The following PDE9A variants were observed in gnomAD, a reference collection of about 807,000 sequenced individuals.
PDE9A encodes phosphodiesterase 9A.
A neutral mutation model predicts 87.4 loss-of-function variants in PDE9A; 60 were observed. The ratio of observed to expected loss-of-function variants is 0.69; its 90% CI spans 0.56 to 0.85. PDE9A has a LOEUF of 0.85. Ranked by LOEUF, PDE9A falls within the 40% of genes least tolerant of loss-of-function variation. The probability of loss-of-function intolerance (pLI) is 0.00; values close to 1 mark genes in which losing one functional copy is unlikely to be tolerated. For missense variants in PDE9A, 665 were observed against 779.0 expected (o/e 0.85, Z 1.74); for synonymous variants, 272 against 279.4 (o/e 0.97, Z 0.27).
At position 42,769,106 on chromosome 21, in the gene PDE9A, T is replaced by C. The variant is rs200824316; in HGVS notation, c.1541T>C (p.Ile514Thr). 37 of 1,613,862 alleles carry C rather than the reference T, an allele frequency of 2.3e-5. No individual in the cohort carries two copies. The Middle Eastern group carries it at 4.9e-4, about 22-fold the overall frequency. Residue 514 changes from isoleucine (I) to threonine (T), a missense_variant, in exon 17 of 20, where the codon ATT becomes ACT. Coordinates refer to ENST00000291539, the MANE Select transcript of PDE9A (RefSeq NM_002606.3). ...RDKVTKATAQ[I>T]GFIKFVLIPM... ...AAAGTGACCAAGGCCACAGCCCAGA[T>C]TGGGTTCATCAAGTTTGTCCTGATC...
intron 10 of PDE9A, among the ~76,000 whole-genome samples, chr21:42,754,701 A>T (rs2054833836): frequency 6.6e-6 from 1 of 152,032 alleles, no homozygotes. Context: ...TCATGGGGGC[A>T]GTTTTCCCCA....
intron 16 of PDE9A, chr21:42,768,741 G>A: frequency 1.0e-6 from 1 of 985,412 alleles, no homozygotes; most frequent in African/African-American, 1.7e-5. Flanking sequence ...TGAACCCTAG[G>A]AGAAGTCGGG....
At chr21:42,765,024 T>TGGATGGGTGGATGGAC in intron 14 of PDE9A, among the ~76,000 whole-genome samples, 1 of 146,370 alleles carries the variant, frequency 6.8e-6, no homozygotes, top group Non-Finnish European at 1.5e-5. Context: ...GATGGATGGG[T>TGGATGGGTGGATGGAC]GGATGGGTGG....
intron 1 of PDE9A, among the ~76,000 whole-genome samples, chr21:42,658,174 C>T (rs1418816551): frequency 6.6e-6 from 1 of 152,182 alleles, no homozygotes; most frequent in Non-Finnish European, 1.5e-5. Flanking sequence ...GATGCTTCCA[C>T]CCAGCCTGGT....
chr21:42,688,808 G>T (rs1169693770), intron 3 of PDE9A, among the ~76,000 whole-genome samples: 1 of 152,244 alleles, frequency 6.6e-6, no homozygotes, highest in Non-Finnish European at 1.5e-5. Context: ...TCATCAGGGT[G>T]TCCTGCCCAA....
intron 15 of PDE9A, 61 bp from the exon 16 acceptor site, chr21:42,768,124 GAGC>G (rs1250483775): frequency 3.9e-5 from 37 of 952,770 alleles, no homozygotes; most frequent in Non-Finnish European, 4.9e-5. Context: ...GTCCAGACCC[GAGC>G]AGCAGCAGCA....
intron 1 of PDE9A, among the ~76,000 whole-genome samples, chr21:42,680,029 C>G (rs2146088536): frequency 6.6e-6 from 1 of 152,326 alleles, no homozygotes; most frequent in South Asian, 2.1e-4. Flanking sequence ...AGAAAAATCC[C>G]CAGGACCTGG....
At chr21:42,740,086 T>C (rs1276808280) in intron 7 of PDE9A, among the ~76,000 whole-genome samples, 2 of 152,122 alleles carry the variant, frequency 1.3e-5, no homozygotes, top group African/African-American at 4.8e-5. Context: ...AGAAGCTAGA[T>C]AGATACATAC....
Position 42,731,938 on chromosome 21 carries a change from G to A in PDE9A, c.431G>A (p.Arg144His), listed in dbSNP as rs139833833. ...EPQGCYQEGQ[R>H]IPPEREELIQ... ...CAGGGCTGCTACCAGGAAGGCCAGC[G>A]CATCCCTCCAGGTAACGGGCAGCTC... is the stretch of plus-strand genomic sequence containing the variant. The change falls in exon 5 of 20, where the codon CGC becomes CAC. Residue 144 changes from arginine (R) to histidine (H), a missense_variant. Coordinates refer to ENST00000291539, the MANE Select transcript of PDE9A (RefSeq NM_002606.3). 5.1e-5 allele frequency: 82 copies of A among 1,613,488 alleles called. No individual in the cohort carries two copies. Among genetic ancestry groups the A allele is most frequent in the African/African-American group, 3.7e-4 (28 of 74,930 alleles).
Position 42,670,041 on chromosome 21 carries a change from TCA to T in PDE9A, c.70-16139_70-16138del, listed in dbSNP as rs199698684. On this transcript the variant is annotated intron_variant, in intron 1 of 19. Coordinates refer to ENST00000291539, the MANE Select transcript of PDE9A (RefSeq NM_002606.3). ...AAAAGGAAAGCACCATGTTTCACCT[TCA>T]CACACACACACTTACACATTCACAC... Among the ~76,000 whole-genome samples the T allele has an allele frequency of 4.9e-3, 743 of 152,006 alleles. 6 individuals are homozygous for T. The highest frequency in any genetic ancestry group is 0.014 in the African/African-American group (591 of 41,454).
In PDE9A at chr21:42,692,154, G is replaced by A. The variant is rs547084240; in HGVS notation, c.218+4160G>A. On this transcript the variant is annotated intron_variant, in intron 3 of 19. Transcript: ENST00000291539. This position sits in a 1 kb window ranked among gnomAD's most constrained non-coding sequence, Gnocchi z 4.3. ...TCTGCTGGATTTCCAGCCCCTAAAC[G>A]AGGCGGGGCATGCTGGGTGCAGGAT... is the stretch of plus-strand genomic sequence containing the variant. Among the ~76,000 whole-genome samples, 4 of 152,350 alleles carry A rather than the reference G, an allele frequency of 2.6e-5. No homozygotes were observed. Among genetic ancestry groups the A allele is most frequent in the African/African-American group, 7.2e-5 (3 of 41,588 alleles).
chr21:42,687,095 T>C (rs1044014225), intron 2 of PDE9A, among the ~76,000 whole-genome samples: 5 of 152,222 alleles, frequency 3.3e-5, no homozygotes, highest in African/African-American at 1.2e-4. Flanking sequence ...AATTTTCTAA[T>C]TATCAGCAAA....
Position 42,685,901 on chromosome 21 carries a change from TC to T in PDE9A, c.70-289del, listed in dbSNP as rs113058388. Reference sequence around the variant, plus strand: ...AGGTGGTCAGTCCTGCCTGGCCCCTTCCGAGGGATGCGCCTTCACCATAACC... The same window carrying T: ...AGGTGGTCAGTCCTGCCTGGCCCCTTCGAGGGATGCGCCTTCACCATAACC... On this transcript the variant is annotated intron_variant, in intron 1 of 19. Coordinates refer to ENST00000291539, the MANE Select transcript of PDE9A (RefSeq NM_002606.3). Among the ~76,000 whole-genome samples, 1,015 of 152,298 alleles carry T rather than the reference TC, an allele frequency of 6.7e-3. 9 individuals carry two copies. Among genetic ancestry groups the T allele is most frequent in the African/African-American group, 0.023 (942 of 41,556 alleles).
intron 1 of PDE9A, among the ~76,000 whole-genome samples, chr21:42,670,392 T>TTA (rs529160169): frequency 2.4e-4 from 23 of 94,868 alleles, no homozygotes; most frequent in African/African-American, 2.0e-3. Flanking sequence ...ACATTTACAT[T>TTA]CACAAACATT....
rs1354819504 is a variant in PDE9A, at chr21:42,770,731, T to G, written c.1619T>G (p.Leu540Arg). Residue 540 changes from leucine (L) to arginine (R), a missense_variant, in exon 18 of 20, where the codon CTG becomes CGG. By Grantham distance (102) the Leu-to-Arg change is moderately radical. Coordinates refer to ENST00000291539, the MANE Select transcript of PDE9A (RefSeq NM_002606.3). The part of the protein sequence containing the change: ...KLFPMVEEIM[L>R]QPLWESRDRY... Reference sequence around the variant, plus strand: ...TTCCCCATGGTTGAGGAGATCATGCTGCAGCCACTTTGGGAATCCCGAGAT... The same window carrying G: ...TTCCCCATGGTTGAGGAGATCATGCGGCAGCCACTTTGGGAATCCCGAGAT... 8.7e-6 allele frequency: 14 copies of G among 1,613,980 alleles called. No individual in the cohort carries two copies. Among genetic ancestry groups the G allele is most frequent in the Non-Finnish European group, 1.2e-5 (14 of 1,179,906 alleles).
chr21:42,719,070 T>G (rs898848237), intron 4 of PDE9A, among the ~76,000 whole-genome samples: 2 of 151,736 alleles, frequency 1.3e-5, no homozygotes, highest in African/African-American at 4.8e-5. Flanking sequence ...ACATTTAAAC[T>G]CCAAACTTTG....
In PDE9A at chr21:42,722,050, A is replaced by G. The variant is rs1602267020; in HGVS notation, c.263-9720A>G. Among the ~76,000 whole-genome samples the G allele has an allele frequency of 6.6e-6, 1 of 151,412 alleles. No homozygotes were observed. The highest frequency in any genetic ancestry group is 1.5e-5 in the Non-Finnish European group (1 of 67,900). ...GAGTGCAGTGGCACAATCTCAGCTC[A>G]CTGCAACCTCCGACTCCCTGGTTCA... On this transcript the variant is annotated intron_variant, in intron 4 of 19. Coordinates refer to ENST00000291539, the MANE Select transcript of PDE9A (RefSeq NM_002606.3). The surrounding 1 kb of genome is among the most constrained non-coding windows in gnomAD (Gnocchi z 4.1).
At position 42,759,794 on chromosome 21, in the gene PDE9A, TGA is replaced by T. The variant is rs1312954950; in HGVS notation, c.898-532_898-531del. On this transcript the variant is annotated intron_variant, in intron 11 of 19. Coordinates refer to ENST00000291539, the MANE Select transcript of PDE9A (RefSeq NM_002606.3). The surrounding 1 kb of genome is among the most constrained non-coding windows in gnomAD (Gnocchi z 7.2). Reference sequence around the variant, plus strand: ...GTGTGTATCTGGATGTGGGGGTGTGTGAGGGTGGATGTGTGCATGTGTGTGTG... The same window carrying T: ...GTGTGTATCTGGATGTGGGGGTGTGTGGGTGGATGTGTGCATGTGTGTGTG... 6.8e-6 allele frequency among the ~76,000 whole-genome samples: 1 copy of T among 146,368 alleles called. No individual in the cohort carries two copies. The highest frequency in any genetic ancestry group is 1.5e-5 in the Non-Finnish European group (1 of 66,628).
At chr21:42,738,205 G>A (rs187749574) in intron 7 of PDE9A, among the ~76,000 whole-genome samples, 1 of 152,232 alleles carries the variant, frequency 6.6e-6, no homozygotes, top group Admixed American at 6.5e-5. Context: ...CGTGGCAGGA[G>A]CTGACCGGCT....
Sources: gnomAD v4.1 joint callset for allele counts (sites outside exome capture counted in the v4.1 genomes callset) on GRCh38, gnomAD v4.1.1 for gene constraint, Gnocchi (gnomAD v3.1) non-coding constraint, MANE v1.5 for transcripts, NCBI Gene and HGNC (gene_info 2026-07-23, HGNC 2026-07-21) for gene names.